The following PTPRR variants were observed in gnomAD, a reference collection of about 807,000 sequenced individuals.
PTPRR encodes the protein protein tyrosine phosphatase receptor type R, also known as receptor-type tyrosine-protein phosphatase R.
Under a neutral mutation model 77.2 loss-of-function variants are expected in PTPRR, and 38 were observed. The observed-to-expected ratio is 0.49, with a 90% CI of 0.38 to 0.65. The LOEUF is 0.65. Among genes scored for constraint, PTPRR ranks in the 30% least tolerant of loss-of-function variants. The pLI, the probability that PTPRR is intolerant of heterozygous loss-of-function variation, is 0.00. For missense variants in PTPRR, 744 were observed against 799.2 expected (o/e 0.93, Z 0.83); for synonymous variants, 299 against 283.1 (o/e 1.06, Z -0.57).
intron 1 of PTPRR, among the ~76,000 whole-genome samples, chr12:70,898,795 G>C (rs1893481356): frequency 1.3e-5 from 2 of 151,276 alleles, no homozygotes; most frequent in Admixed American, 1.3e-4. Context: ...TGAAACAAAA[G>C]CTAGTTATTT....
At chr12:70,839,846 T>C (rs1372081934) in intron 2 of PTPRR, among the ~76,000 whole-genome samples, 14 of 152,172 alleles carry the variant, frequency 9.2e-5, no homozygotes, top group Admixed American at 9.2e-4. Context: ...ATTTCTTTCT[T>C]AGAACCAGAT....
chr12:70,783,862 AC>A (rs1370302778), intron 2 of PTPRR, among the ~76,000 whole-genome samples: 3 of 844 alleles, frequency 3.6e-3, no homozygotes, highest in African/African-American at 9.6e-3. Flanking sequence ...TGTGGGGGGG[AC>A]GGGGGGGGGG....
chr12:70,716,383 A>G (rs1889032389), intron 6 of PTPRR, among the ~76,000 whole-genome samples: 1 of 152,098 alleles, frequency 6.6e-6, no homozygotes. Flanking sequence ...TGTATTTGTA[A>G]ATTATATACA....
At chr12:70,915,219 A>T (rs1893758241) in intron 1 of PTPRR, among the ~76,000 whole-genome samples, 1 of 152,252 alleles carries the variant, frequency 6.6e-6, no homozygotes, top group Non-Finnish European at 1.5e-5. Flanking sequence ...TGCATTGATA[A>T]CAAGAACATA....
intron 13 of PTPRR, among the ~76,000 whole-genome samples, chr12:70,654,714 T>C (rs1886515121): frequency 6.6e-6 from 1 of 152,264 alleles, no homozygotes; most frequent in South Asian, 2.1e-4. Flanking sequence ...TCTGCTAGCA[T>C]ATAAATTCTA....
At chr12:70,681,932 A>G (rs57019085) in intron 10 of PTPRR, among the ~76,000 whole-genome samples, 1 of 151,836 alleles carries the variant, frequency 6.6e-6, no homozygotes, top group African/African-American at 2.4e-5. Flanking sequence ...TCAGCTTTAA[A>G]TACTCAAGAG....
chr12:70,858,259 C>T (rs1892686855), intron 2 of PTPRR, among the ~76,000 whole-genome samples: 1 of 152,150 alleles, frequency 6.6e-6, no homozygotes, highest in African/African-American at 2.4e-5. Flanking sequence ...CCTATTTCTG[C>T]TCCCTTTCCC....
At chr12:70,914,840 A>G (rs749879892) in intron 1 of PTPRR, among the ~76,000 whole-genome samples, 5 of 152,056 alleles carry the variant, frequency 3.3e-5, no homozygotes, top group Non-Finnish European at 7.4e-5. Flanking sequence ...AACAACAGCA[A>G]CAACAACAAC....
intron 9 of PTPRR, 47 bp downstream of exon 9, chr12:70,684,657 T>C (rs779615642): frequency 1.5e-6 from 2 of 1,292,392 alleles, no homozygotes; most frequent in African/African-American, 1.5e-5. Context: ...AAACCAACAA[T>C]TCCAAATAGG....
chr12:70,888,708 A>C (rs1363757243), intron 2 of PTPRR, among the ~76,000 whole-genome samples: 1 of 152,130 alleles, frequency 6.6e-6, no homozygotes, highest in Non-Finnish European at 1.5e-5. Flanking sequence ...AATTTCCCAA[A>C]GCCTGTGTTT....
At chr12:70,858,407 T>C (rs1349367649) in intron 2 of PTPRR, among the ~76,000 whole-genome samples, 1 of 152,106 alleles carries the variant, frequency 6.6e-6, no homozygotes, top group East Asian at 1.9e-4. Context: ...TTTCCAATCA[T>C]AAGAGAAGTG....
intron 2 of PTPRR, among the ~76,000 whole-genome samples, chr12:70,875,501 G>C (rs888415627): frequency 2.0e-5 from 3 of 152,024 alleles, no homozygotes; most frequent in Admixed American, 2.0e-4. Flanking sequence ...AAACAAAAAT[G>C]GCTGCAACAA....
chr12:70,869,904 A>T (rs1228928161), intron 2 of PTPRR, among the ~76,000 whole-genome samples: 1 of 152,198 alleles, frequency 6.6e-6, no homozygotes, highest in African/African-American at 2.4e-5. Flanking sequence ...GTATTCTTGA[A>T]GCTACCATGT....
intron 1 of PTPRR, among the ~76,000 whole-genome samples, chr12:70,893,179 T>C (rs1385218411): frequency 1.3e-5 from 2 of 150,576 alleles, no homozygotes; most frequent in Admixed American, 6.6e-5. Context: ...TCAAAGACTT[T>C]AGGTGGATAA....
At chr12:70,896,272 C>T (rs765354565) in intron 1 of PTPRR, among the ~76,000 whole-genome samples, 7 of 151,538 alleles carry the variant, frequency 4.6e-5, no homozygotes, top group Non-Finnish European at 1.0e-4. Context: ...GGAAAATTCA[C>T]AATTATCATT....
Position 70,892,965 on chromosome 12 carries a change from C to T in PTPRR, c.71G>A (p.Gly24Glu), listed in dbSNP as rs778781799. Residue 24 changes from glycine to glutamate, a missense_variant, in exon 2 of 14, where the codon GGA (glycine) becomes GAA (glutamate). Physicochemically the swap from Gly to Glu is moderately conservative, Grantham distance 98. Coordinates refer to ENST00000283228, the MANE Select transcript of PTPRR (RefSeq NM_002849.4). ...LNLHAAGCFS[G>E]NNDHFLAINQ... ...AATTGCCAAAAAATGATCATTGTTTCCTGAAAAGCACCCTGAAAGAGGGAA... is the reference window on the plus strand; with the variant it reads ...AATTGCCAAAAAATGATCATTGTTTTCTGAAAAGCACCCTGAAAGAGGGAA... 6 of 1,612,310 alleles carry T rather than the reference C, an allele frequency of 3.7e-6. No homozygotes were observed. In the South Asian group the frequency reaches 5.5e-5, roughly 15 times the overall value.
At chr12:70,726,158 T>C (rs1165853006) in intron 6 of PTPRR, among the ~76,000 whole-genome samples, 2 of 151,938 alleles carry the variant, frequency 1.3e-5, no homozygotes, top group African/African-American at 4.8e-5. Context: ...ACTTGTAAAA[T>C]ATATACATAT....
At chr12:70,771,579 T>A (rs762479848) in intron 2 of PTPRR, among the ~76,000 whole-genome samples, 2 of 152,184 alleles carry the variant, frequency 1.3e-5, no homozygotes, top group Admixed American at 1.3e-4. Context: ...TGGTATATTA[T>A]ATAATAAAGC....
intron 8 of PTPRR, among the ~76,000 whole-genome samples, chr12:70,693,642 A>T (rs1007747134): frequency 3.3e-5 from 5 of 152,116 alleles, no homozygotes; most frequent in Non-Finnish European, 5.9e-5. Flanking sequence ...AGAATACAAC[A>T]TATAACTGAG....
Sources: allele counts gnomAD v4.1 joint callset (sites outside exome capture counted in the v4.1 genomes callset), GRCh38; gene constraint gnomAD v4.1.1; transcripts MANE v1.5; gene names NCBI Gene and HGNC (gene_info 2026-07-23, HGNC 2026-07-21).